PCSK7: variants seen among roughly 807,000 people sequenced by gnomAD.
The protein encoded by PCSK7 is proprotein convertase subtilisin/kexin type 7.
In PCSK7, 38 loss-of-function variants were observed where a neutral mutation model predicts 73.3. The observed-to-expected ratio is 0.52, with a 90% CI of 0.40 to 0.68. PCSK7 has a LOEUF of 0.68. Ranked by LOEUF, PCSK7 falls within the 30% of genes least tolerant of loss-of-function variation. PCSK7 has a pLI of 0.00. For synonymous variants in PCSK7, 296 were observed against 383.8 expected, an observed-to-expected ratio of 0.77 and a Z score of 2.68; for missense variants, 692 against 991.5, an observed-to-expected ratio of 0.70 and a Z score of 4.06.
At chr11:117,224,578 C>A in intron 7 of PCSK7, 123 bp downstream of exon 7, 1 of 838,534 alleles carries the variant, frequency 1.2e-6, no homozygotes, top group South Asian at 1.4e-5. Flanking sequence ...GTTAGGTGTT[C>A]TCTTCCTGAA....
chr11:117,228,612 CTTTTTTTT>C (rs751494008), intron 3 of PCSK7, among the ~76,000 whole-genome samples: 2 of 132,098 alleles, frequency 1.5e-5, no homozygotes, highest in Non-Finnish European at 3.3e-5. Context: ...TGATACACTT[CTTTTTTTT>C]TTTTTTTTTT....
chr11:117,208,894 T>C lies in PCSK7; in HGVS notation c.1691+3A>G. ...TGCTCAGGCCTCGGGCGGGTGTACATACGAGTCCATGCTGCGGGGGGCGCC... is the reference window on the plus strand; with the variant it reads ...TGCTCAGGCCTCGGGCGGGTGTACACACGAGTCCATGCTGCGGGGGGCGCC... On this transcript the variant is annotated splice_donor_region_variant and intron_variant, in intron 13 of 16. Transcript: ENST00000320934. 1 of 1,611,212 alleles carries C rather than the reference T, an allele frequency of 6.2e-7. No homozygotes were observed. The highest frequency in any genetic ancestry group is 8.5e-7 in the Non-Finnish European group (1 of 1,179,444).
intron 7 of PCSK7, 29 bp downstream of exon 7, chr11:117,224,670 GTT>G: frequency 6.3e-7 from 1 of 1,582,146 alleles, no homozygotes. Context: ...AGGGCATCCC[GTT>G]TCTCAGAGTC....
chr11:117,219,800 T>A, intron 9 of PCSK7, 42 bp from the exon 10 acceptor site: 6 of 1,494,274 alleles, frequency 4.0e-6, no homozygotes, highest in Non-Finnish European at 5.4e-6. Context: ...AGAGACTGAG[T>A]TCAAGCTGGG....
rs2032100111 is a variant in PCSK7 at position 117,219,136 on chromosome 11, G to A, written c.1352C>T (p.Thr451Ile). 1 of 1,611,228 alleles carries A rather than the reference G, an allele frequency of 6.2e-7. No homozygotes were observed. Residue 451 changes from threonine to isoleucine, a missense_variant, in exon 11 of 17, where the codon ACC (threonine) becomes ATC (isoleucine). This residue lies in a region of PCSK7 where 574 missense variants were observed against 689.8 expected (regional missense o/e 0.83). Coordinates refer to ENST00000320934, the MANE Select transcript of PCSK7 (RefSeq NM_004716.4). ...RYEDRRAEWV[T>I]NEAGFSHSHQ... ...GCTATGGCTGAAGCCTGCCTCGTTG[G>A]TGACCCACTCTGCACGGCGATCCTC...
intron 8 of PCSK7, 122 bp downstream of exon 8, chr11:117,223,956 C>A: frequency 9.5e-7 from 1 of 1,047,524 alleles, no homozygotes; most frequent in Non-Finnish European, 1.5e-6. Context: ...CTAGTCCTAT[C>A]TGAGCCCAAA....
chr11:117,211,883 A>C (rs1384156706), intron 12 of PCSK7: 1 of 152,270 alleles, frequency 6.6e-6, no homozygotes, highest in Non-Finnish European at 1.5e-5. Flanking sequence ...GGCCAGTAAC[A>C]GTACCTACTT....
At chr11:117,225,006 G>A (rs1007749888) in intron 6 of PCSK7, 1 of 464,954 alleles carries the variant, frequency 2.2e-6, no homozygotes, top group African/African-American at 1.9e-5. Flanking sequence ...GTGGCAGAGA[G>A]GGACAGAGGT....
At chr11:117,222,248 TGGCGC>T (rs2032230996) in intron 9 of PCSK7, 1 of 152,258 alleles carries the variant, frequency 6.6e-6, no homozygotes, top group Non-Finnish European at 1.5e-5. Context: ...CCTGCTGGGA[TGGCGC>T]TAAGCCCAGC....
At chr11:117,229,982 G>A in intron 2 of PCSK7, 126 bp from the exon 3 acceptor site, 2 of 606,188 alleles carry the variant, frequency 3.3e-6, no homozygotes, top group Non-Finnish European at 5.7e-6. Flanking sequence ...TTTAAATTGT[G>A]AAACATTTGA....
At chr11:117,223,790 G>T (rs2032301535) in intron 8 of PCSK7, 2 of 424,034 alleles carry the variant, frequency 4.7e-6, no homozygotes, top group African/African-American at 2.0e-5. Context: ...GAGGCTTCCA[G>T]CAGGCAGAAG....
chr11:117,221,174 C>T lies in PCSK7; in HGVS notation c.1156-1416G>A, dbSNP rs191314068. On this transcript the variant is annotated intron_variant, in intron 9 of 16. Transcript: ENST00000320934. ...GGGTGGCGACTTCTGCCAAGAGCTG[C>T]CCTTTCTCCACTGTACTCACTGCTT... The T allele has an allele frequency of 2.0e-5, 3 of 152,364 alleles. No homozygotes were observed. The East Asian group carries it at 5.8e-4, about 29-fold the overall frequency. The allele number at this position is 152,364 out of a possible 1,614,324, so 9.4% of individuals were successfully genotyped here.
intron 9 of PCSK7, chr11:117,220,826 C>T (rs1190446885): frequency 2.0e-5 from 3 of 152,376 alleles, no homozygotes; most frequent in African/African-American, 7.2e-5. Flanking sequence ...TGCATGGACT[C>T]AGTGTCTATA....
At chr11:117,219,451 C>A in intron 10 of PCSK7, 140 bp downstream of exon 10, 2 of 837,790 alleles carry the variant, frequency 2.4e-6, no homozygotes, top group East Asian at 2.7e-5. Context: ...CACACCTGTT[C>A]TTTACATATG....
At position 117,219,614 on chromosome 11, in the gene PCSK7, T is replaced by C. The variant is rs779781865; in HGVS notation, c.1300A>G (p.Ile434Val). ...PCLTWRDVQHIIVFTATRYED... is the reference protein window; with the variant it reads ...PCLTWRDVQHVIVFTATRYED... Reference sequence around the variant, plus strand: ...ACCCGGGTGGCTGTGAAGACAATGATGTGCTGGACGTCACGCCACGTGAGG... The same window carrying C: ...ACCCGGGTGGCTGTGAAGACAATGACGTGCTGGACGTCACGCCACGTGAGG... Residue 434 changes from isoleucine (I) to valine (V), a missense_variant, in exon 10 of 17, where the codon ATC becomes GTC. By Grantham distance (29) the Ile-to-Val change is conservative (BLOSUM62 3). Transcript: ENST00000320934. 2 of 1,612,866 alleles carry C rather than the reference T, an allele frequency of 1.2e-6. No individual in the cohort carries two copies. Among genetic ancestry groups the C allele is most frequent in the Non-Finnish European group, 1.7e-6 (2 of 1,179,610 alleles).
chr11:117,230,159 AC>A (rs2032589224), intron 2 of PCSK7, 189 bp downstream of exon 2: 1 of 304,192 alleles, frequency 3.3e-6, no homozygotes, highest in African/African-American at 2.2e-5. Context: ...ACTGCGAGCA[AC>A]CCCTGTTGCC....
chr11:117,223,120 G>T, intron 9 of PCSK7, 88 bp downstream of exon 9: 1 of 823,004 alleles, frequency 1.2e-6, no homozygotes, highest in Non-Finnish European at 2.1e-6. Context: ...GGGCGGGGAA[G>T]CAGGGAACAG....
intron 8 of PCSK7, chr11:117,223,639 G>C (rs1381813864): frequency 2.6e-6 from 1 of 378,874 alleles, no homozygotes; most frequent in Non-Finnish European, 4.8e-6. Flanking sequence ...ACCCGTGCCA[G>C]GCATCAGGGC....
intron 2 of PCSK7, 130 bp from the exon 3 acceptor site, chr11:117,229,986 C>CA (rs1371120810): frequency 1.7e-6 from 1 of 602,164 alleles, no homozygotes; most frequent in Non-Finnish European, 2.9e-6. Flanking sequence ...AATTGTGAAA[C>CA]ATTTGATCTT....
Sources: allele counts gnomAD v4.1 joint callset (sites outside exome capture counted in the v4.1 genomes callset), GRCh38; gene constraint gnomAD v4.1.1; regional missense constraint gnomAD v4.1.1; transcripts MANE v1.5; gene names NCBI Gene and HGNC (gene_info 2026-07-23, HGNC 2026-07-21).